Variants in DNAH10 observed in about 807,000 individuals in gnomAD.
DNAH10 encodes the protein dynein axonemal heavy chain 10.
DNAH10 carries 348 observed loss-of-function variants against 506.6 expected under a neutral mutation model. That is an observed-to-expected ratio of 0.69 (90% confidence interval 0.63 to 0.75). DNAH10 has a LOEUF of 0.75. DNAH10 is among the 30% of genes least tolerant of loss of function. The probability of loss-of-function intolerance (pLI) is 0.00; values close to 1 mark genes in which losing one functional copy is unlikely to be tolerated. For missense variants in DNAH10, 5,179 were observed against 5,787.1 expected (o/e 0.89, Z 3.41); for synonymous variants, 2,059 against 2,198.6 (o/e 0.94, Z 1.78).
intron 45 of DNAH10, among the ~76,000 whole-genome samples, chr12:123,872,646 A>T (rs187540920): frequency 1.9e-4 from 28 of 147,352 alleles, no homozygotes; most frequent in African/African-American, 6.2e-4. Flanking sequence ...GAAACTTGTT[A>T]AAAAAATACC....
rs995607490 is a variant in DNAH10, at chr12:123,762,486, G to A, written c.150G>A (p.Glu50=). Residue 50 remains glutamate (E), a synonymous_variant, in exon 1 of 79, where the codon GAG becomes GAA. Transcript: ENST00000673944. This position sits in a 1 kb window ranked among gnomAD's most constrained non-coding sequence, Gnocchi z 5.0. Reference sequence around the variant, plus strand: ...ACTTCCTCAACCAGGCGAGCGAGGAGGAGGGGCCCTCGGCGCTCTTCATCT... The same window carrying A: ...ACTTCCTCAACCAGGCGAGCGAGGAAGAGGGGCCCTCGGCGCTCTTCATCT... The part of the protein sequence containing the change: ...ILHFLNQASE[E]EGPSALFIYR... The A allele has an allele frequency of 3.9e-6, 6 of 1,520,674 alleles. No homozygotes were observed. The highest frequency in any genetic ancestry group is 1.4e-5 in the African/African-American group (1 of 70,986). 94.2% of individuals were successfully genotyped at this position (1,520,674 alleles called of 1,614,324 possible). A position where few individuals can be genotyped will look rare whatever the true frequency, so the allele number is the denominator to read the frequency against.
At position 123,931,783 on chromosome 12, in the gene DNAH10, A is replaced by T; in HGVS notation, c.13064A>T (p.Gln4355Leu). The change falls in exon 75 of 79, where the codon CAG becomes CTG. Residue 4355 changes from glutamine to leucine, a missense_variant. Physicochemically the swap from Gln to Leu is moderately radical, Grantham distance 113. Coordinates refer to ENST00000673944, the MANE Select transcript of DNAH10 (RefSeq NM_001372106.1). ...GLSPTSVVLL[Q>L]ELERFNKLVV... ...TCCCCCACTTCGGTGGTGCTCCTGC[A>T]GGAACTGGAACGCTTCAACAAGCTT... 1 of 1,614,038 alleles carries T rather than the reference A, an allele frequency of 6.2e-7. No homozygotes were observed.
chr12:123,771,481 G>A, intron 2 of DNAH10, 120 bp from the exon 3 acceptor site: 1 of 772,086 alleles, frequency 1.3e-6, no homozygotes, highest in Admixed American at 2.1e-5. Flanking sequence ...GGTATGCACA[G>A]CTATTTGATA....
rs759430766 is a variant in DNAH10, at chr12:123,838,624, G to A, written c.5071G>A (p.Asp1691Asn). The change falls in exon 29 of 79, where the codon GAC (aspartate) becomes AAC (asparagine). Residue 1691 changes from aspartate (D) to asparagine (N), a missense_variant. Around this residue, in one of 3 missense-constraint regions of DNAH10, gnomAD observed 4,844 missense variants for 5,430.5 expected, o/e 0.89. Coordinates refer to ENST00000673944, the MANE Select transcript of DNAH10 (RefSeq NM_001372106.1). ...TTTCCCAAGGTTCTTCTTCATTTCT[G>A]ACGATGAGTTGCTTAGCATTCTGGG... The part of the protein sequence containing the change: ...NAFPRFFFIS[D>N]DELLSILGSS... 1.2e-6 allele frequency: 2 copies of A among 1,613,884 alleles called. No homozygotes were observed. The highest frequency in any genetic ancestry group is 1.1e-5 in the South Asian group (1 of 91,090).
intron 47 of DNAH10, among the ~76,000 whole-genome samples, chr12:123,875,979 G>C (rs1020666192): frequency 1.3e-5 from 2 of 152,200 alleles, no homozygotes; most frequent in African/African-American, 4.8e-5. Context: ...ACACTGCCTA[G>C]TGCATAGCAG....
chr12:123,831,166 G>A (rs1960505069), intron 26 of DNAH10, among the ~76,000 whole-genome samples: 1 of 148,742 alleles, frequency 6.7e-6, no homozygotes, highest in African/African-American at 2.6e-5. Flanking sequence ...GATGTTCATG[G>A]TAGAAAATTG....
At position 123,893,267 on chromosome 12, in the gene DNAH10, A is replaced by G. The variant is rs6488908; in HGVS notation, c.9030A>G (p.Lys3010=). The change falls in exon 53 of 79, where the codon AAA becomes AAG. Residue 3010 remains lysine, a synonymous_variant. Transcript: ENST00000673944. ...CTGCGCTTTTTTCTGAAGAGGAGAA[A>G]GAGTCTATCCTGAGTCAGATTGGAC... ...IVPALFSEEE[K]ESILSQIGQE... is the part of the protein sequence containing the mutation. The G allele has an allele frequency of 0.061, 97,676 of 1,613,944 alleles. 3,372 individuals are homozygous for G. Among genetic ancestry groups the G allele is most frequent in the African/African-American group, 0.13 (9,795 of 75,020 alleles).
intron 30 of DNAH10, among the ~76,000 whole-genome samples, chr12:123,842,115 T>C (rs571282996): frequency 6.6e-6 from 1 of 152,344 alleles, no homozygotes; most frequent in Admixed American, 6.5e-5. Flanking sequence ...AAATGCTGAT[T>C]CTTGGGTCTT....
rs1172745174 is a variant in DNAH10 at position 123,837,744 on chromosome 12, T to TA, written c.4903-699dup. Among the ~76,000 whole-genome samples, 1,049 of 144,600 alleles carry TA rather than the reference T, an allele frequency of 7.3e-3. 7 individuals carry two copies. The highest frequency in any genetic ancestry group is 0.011 in the Non-Finnish European group (698 of 65,924). The allele number at this position is 144,600 out of a possible 152,430, so 94.9% of individuals were successfully genotyped here. ...TATGCACCACCACACCCGGCTAACT[T>TA]AAAAAAAAAAAAATTTTTTTTTTTT... On this transcript the variant is annotated intron_variant, in intron 28 of 78. Transcript: ENST00000673944.
intron 19 of DNAH10, among the ~76,000 whole-genome samples, chr12:123,809,462 A>G (rs893757356): frequency 5.9e-5 from 9 of 152,076 alleles, no homozygotes; most frequent in African/African-American, 2.2e-4. Flanking sequence ...CCTGTGCAAC[A>G]TGGTGAGACC....
chr12:123,845,602 T>C lies in DNAH10; in HGVS notation c.5363T>C (p.Val1788Ala). The C allele has an allele frequency of 6.2e-7, 1 of 1,612,196 alleles. No individual in the cohort carries two copies. Among genetic ancestry groups the C allele is most frequent in the South Asian group, 1.1e-5 (1 of 91,054 alleles). ...TTACAGGTGTGCGTTTTCTGCAGAGTCGACTGGATGCTCCTGTACCAGGGC... is the reference window on the plus strand; with the variant it reads ...TTACAGGTGTGCGTTTTCTGCAGAGCCGACTGGATGCTCCTGTACCAGGGC... ...IFRYCEDRSR[V>A]DWMLLYQGMV... is the part of the protein sequence containing the mutation. Residue 1788 changes from valine (V) to alanine (A), a missense_variant and splice_region_variant, in exon 31 of 79, where the codon GTC becomes GCC. Coordinates refer to ENST00000673944, the MANE Select transcript of DNAH10 (RefSeq NM_001372106.1).
intron 52 of DNAH10, 70 bp downstream of exon 52, chr12:123,887,383 G>A: frequency 6.6e-7 from 1 of 1,521,536 alleles, no homozygotes; most frequent in South Asian, 1.3e-5. Flanking sequence ...ACTTTCTTCA[G>A]CAGTTACCAC....
chr12:123,879,861 G>T, intron 50 of DNAH10, 60 bp downstream of exon 50: 1 of 1,575,790 alleles, frequency 6.3e-7, no homozygotes. Flanking sequence ...GGCCAAGCGG[G>T]AGCTGAGCAT....
At chr12:123,822,484 A>G (rs1959514164) in intron 24 of DNAH10, among the ~76,000 whole-genome samples, 1 of 152,190 alleles carries the variant, frequency 6.6e-6, no homozygotes, top group Non-Finnish European at 1.5e-5. Context: ...ATCTGTCTAT[A>G]TCTAATCTGT....
chr12:123,892,574 C>T (rs1189653031), intron 52 of DNAH10, among the ~76,000 whole-genome samples: 1 of 152,222 alleles, frequency 6.6e-6, no homozygotes, highest in Non-Finnish European at 1.5e-5. Context: ...GGAGGAAGCT[C>T]TTAAGGAAAC....
chr12:123,870,134 G>A lies in DNAH10; in HGVS notation c.7520-232G>A, dbSNP rs1345539779. On this transcript the variant is annotated intron_variant, in intron 43 of 78. Transcript: ENST00000673944. ...CCTGACAAGTGCACAAGTCACATTA[G>A]TGACTGTCCCGTGAACTAGAAGCAT... Among the ~76,000 whole-genome samples the A allele has an allele frequency of 3.3e-5, 5 of 152,218 alleles. 1 individual carries two copies. Among genetic ancestry groups the A allele is most frequent in the Admixed American group, 3.3e-4 (5 of 15,282 alleles).
intron 45 of DNAH10, among the ~76,000 whole-genome samples, chr12:123,872,955 C>G (rs1952095273): frequency 6.6e-6 from 1 of 152,188 alleles, no homozygotes; most frequent in South Asian, 2.1e-4. Flanking sequence ...TCAAGGAGCT[C>G]TCGCCAGCCT....
chr12:123,915,279 G>C (rs1441594001), intron 62 of DNAH10, among the ~76,000 whole-genome samples: 1 of 152,182 alleles, frequency 6.6e-6, no homozygotes, highest in Non-Finnish European at 1.5e-5. Context: ...TTCGTGGTCT[G>C]GGTGCTCAGT....
rs763426960 is a variant in DNAH10 at position 123,841,333 on chromosome 12, CA to C, written c.5149del (p.Ile1717Ter). The C allele has an allele frequency of 6.2e-6, 10 of 1,613,866 alleles. No homozygotes were observed. ...QEHMIKMYDN[I>X]ASLRFNDGDS... is the part of the protein sequence containing the mutation. ...CTCCCTGTTTGCAGATGTACGACAA[CA>C]TAGCATCACTGAGGTTTAATGACGG... On this transcript the variant is annotated frameshift_variant, in exon 30 of 79. Transcript: ENST00000673944. LOFTEE classifies it high-confidence loss of function.
Sources: gnomAD v4.1 joint callset for allele counts (sites outside exome capture counted in the v4.1 genomes callset) on GRCh38, gnomAD v4.1.1 for gene constraint, gnomAD v4.1.1 regional missense constraint, Gnocchi (gnomAD v3.1) non-coding constraint, MANE v1.5 for transcripts, NCBI Gene and HGNC (gene_info 2026-07-23, HGNC 2026-07-21) for gene names.